LRRC71: variants seen among roughly 807,000 people sequenced by gnomAD.
The protein encoded by LRRC71 is leucine-rich repeat-containing protein 71.
Under a neutral mutation model 66.6 loss-of-function variants are expected in LRRC71, and 54 were observed. The ratio of observed to expected loss-of-function variants is 0.81; its 90% CI spans 0.65 to 1.02. LRRC71 has a LOEUF of 1.02. LRRC71 is among the 50% of genes least tolerant of loss of function. The pLI, the probability that LRRC71 is intolerant of heterozygous loss-of-function variation, is 0.00. For synonymous variants in LRRC71, 323 were observed against 303.9 expected (o/e 1.06, Z -0.65); for missense variants, 724 against 718.0 (o/e 1.01, Z -0.10).
chr1:156,938,314 G>T, the LRRC71 span: 1 of 1,038,628 alleles, frequency 9.6e-7, no homozygotes, highest in Non-Finnish European at 1.4e-6. Context: ...AGCTGAGGGA[G>T]CTTGTGGGTG....
chr1:156,936,228 T>G (rs1420821041), downstream of LRRC71: 1 of 796,244 alleles, frequency 1.3e-6, no homozygotes, highest in Non-Finnish European at 2.3e-6. Context: ...TGAACTCCAC[T>G]TTCATCAGCG....
intron 3 of LRRC71, 21 bp from the exon 4 acceptor site, chr1:156,924,622 C>T (rs1215929856): frequency 6.4e-7 from 1 of 1,551,710 alleles, no homozygotes. Flanking sequence ...TCTGAGGCAC[C>T]TGCCTCCTCT....
chr1:156,939,678 G>A, the LRRC71 span: 1 of 1,614,064 alleles, frequency 6.2e-7, no homozygotes, highest in South Asian at 1.1e-5. Flanking sequence ...CCAGAGAACA[G>A]AGACCCATGT....
At chr1:156,930,044 CTCTTTCTTTCTTTCTTTT>C (rs1553189669) in intron 11 of LRRC71, among the ~76,000 whole-genome samples, 1 of 127,906 alleles carries the variant, frequency 7.8e-6, no homozygotes, top group Non-Finnish European at 1.6e-5. Flanking sequence ...TTCTTTCTTT[CTCTTTCTTTCTTTCTTTT>C]TCTTTCTTTC....
intron 2 of LRRC71, 66 bp downstream of exon 2, chr1:156,924,164 C>T (rs1206526102): frequency 6.7e-7 from 1 of 1,501,574 alleles, no homozygotes; most frequent in African/African-American, 1.4e-5. Flanking sequence ...CCTCCCTTCC[C>T]ACGCCGGGCC....
chr1:156,940,336 C>T, the LRRC71 span: 1 of 1,613,872 alleles, frequency 6.2e-7, no homozygotes, highest in Non-Finnish European at 8.5e-7. Context: ...GGCAGGACAC[C>T]CAGTTCCTCT....
At chr1:156,930,034 T>TTCTTTCTTTC (rs895772559) in intron 11 of LRRC71, among the ~76,000 whole-genome samples, 13 of 144,872 alleles carry the variant, frequency 9.0e-5, no homozygotes, top group Admixed American at 2.7e-4. Context: ...TCTTTTCTTT[T>TTCTTTCTTTC]TCTTTCTTTC....
Position 156,924,988 on chromosome 1 carries a change from T to G in LRRC71, c.566T>G (p.Leu189Arg). ...AAGACCCTGACCACCTTCATCGAGCTCCTGCCTCTCTGTTCATCCACGCTC... is the reference window on the plus strand; with the variant it reads ...AAGACCCTGACCACCTTCATCGAGCGCCTGCCTCTCTGTTCATCCACGCTC... ...TDKTLTTFIE[L>R]LPLCSSTLRK... Residue 189 changes from leucine to arginine, a missense_variant, in exon 5 of 15, where the codon CTC becomes CGC. Coordinates refer to ENST00000337428, the MANE Select transcript of LRRC71 (RefSeq NM_144702.3). 1 of 1,551,682 alleles carries G rather than the reference T, an allele frequency of 6.4e-7. No individual in the cohort carries two copies. Among genetic ancestry groups the G allele is most frequent in the Non-Finnish European group, 8.7e-7 (1 of 1,147,000 alleles).
chr1:156,924,373 G>C (rs1379243114), intron 2 of LRRC71, 51 bp from the exon 3 acceptor site: 7 of 1,529,546 alleles, frequency 4.6e-6, no homozygotes, highest in South Asian at 1.2e-5. Context: ...CCGGCCCGGC[G>C]TGGGGCCCTG....
chr1:156,924,840 G>C (rs566087313), intron 4 of LRRC71, 98 bp from the exon 5 acceptor site: 3 of 1,497,186 alleles, frequency 2.0e-6, no homozygotes, highest in Non-Finnish European at 2.7e-6. Context: ...GGGGGTGGGG[G>C]ATGAGGAAGG....
chr1:156,936,791 C>T, downstream of LRRC71: 1 of 1,602,858 alleles, frequency 6.2e-7, no homozygotes, highest in Non-Finnish European at 8.5e-7. Flanking sequence ...ATGGTAGGAA[C>T]CGAGAGGGAC....
chr1:156,937,620 C>CA, downstream of LRRC71: 2 of 1,064,618 alleles, frequency 1.9e-6, no homozygotes, highest in East Asian at 2.7e-5. Flanking sequence ...CAGACAAACT[C>CA]AGAGAACGTG....
At chr1:156,939,559 A>C in the LRRC71 span, 1 of 1,611,316 alleles carries the variant, frequency 6.2e-7, no homozygotes, top group African/African-American at 1.3e-5. Flanking sequence ...TTTTCTCACA[A>C]CTTTGTAACC....
At chr1:156,932,634 C>A (rs1216416113) in intron 14 of LRRC71, 89 bp downstream of exon 14, 11 of 1,613,284 alleles carry the variant, frequency 6.8e-6, no homozygotes. Context: ...CTTCTGTCTC[C>A]CCATTTCCAA....
chr1:156,928,069 G>A (rs1311066741), intron 9 of LRRC71, 65 bp downstream of exon 9: 1 of 1,456,702 alleles, frequency 6.9e-7, no homozygotes, highest in African/African-American at 1.4e-5. Flanking sequence ...CACTCCCCAA[G>A]TCCGCTGCTT....
rs369863200 is a variant in LRRC71 at position 156,927,512 on chromosome 1, C to G, written c.679C>G (p.Leu227Val). 1 of 1,539,392 alleles carries G rather than the reference C, an allele frequency of 6.5e-7. No homozygotes were observed. The highest frequency in any genetic ancestry group is 8.7e-7 in the Non-Finnish European group (1 of 1,143,138). ...CTGCCCCAGGATTGCGCACTTGTCTCTGCGGAACAATAACATCGACGACCG... is the reference window on the plus strand; with the variant it reads ...CTGCCCCAGGATTGCGCACTTGTCTGTGCGGAACAATAACATCGACGACCG... ...ALDSTIAHLS[L>V]RNNNIDDRGA... The change falls in exon 7 of 15, where the codon CTG becomes GTG. Residue 227 changes from leucine to valine, a missense_variant. By Grantham distance (32) the Leu-to-Val change is conservative. Transcript: ENST00000337428.
downstream of LRRC71, chr1:156,936,147 C>T (rs760175837): frequency 2.3e-6 from 3 of 1,320,390 alleles, no homozygotes; most frequent in African/African-American, 1.5e-5. Flanking sequence ...CTCACGAGAA[C>T]AGATCCTTCA....
chr1:156,939,528 G>T, the LRRC71 span: 1 of 1,606,802 alleles, frequency 6.2e-7, no homozygotes. Flanking sequence ...CTCCCCACTG[G>T]ACACTCCCAT....
At chr1:156,926,034 G>T (rs1328865533) in intron 5 of LRRC71, among the ~76,000 whole-genome samples, 1 of 152,204 alleles carries the variant, frequency 6.6e-6, no homozygotes, top group African/African-American at 2.4e-5. Context: ...AACAAAATAA[G>T]AAATCATGGG....
Sources: allele counts gnomAD v4.1 joint callset (sites outside exome capture counted in the v4.1 genomes callset), GRCh38; gene constraint gnomAD v4.1.1; transcripts MANE v1.5; gene names NCBI Gene and HGNC (gene_info 2026-07-23, HGNC 2026-07-21).